MSRA: variants seen among roughly 807,000 people sequenced by gnomAD.
The protein encoded by MSRA is methionine sulfoxide reductase A.
In MSRA, 54 loss-of-function variants were observed where a neutral mutation model predicts 31.3. The observed-to-expected ratio is 1.73, with a 90% CI of 1.39 to 2.17. The LOEUF (loss-of-function observed/expected upper bound fraction) is 2.17, where lower values mean the gene tolerates loss of function less well. Ranked by LOEUF, MSRA falls within the 30% of genes most tolerant of loss-of-function variation. The pLI, the probability that MSRA is intolerant of heterozygous loss-of-function variation, is 0.00. For synonymous variants in MSRA, 169 were observed against 116.5 expected, an observed-to-expected ratio of 1.45 and a Z score of -2.90; for missense variants, 507 against 300.9, an observed-to-expected ratio of 1.69 and a Z score of -5.07.
intron 5 of MSRA, among the ~76,000 whole-genome samples, chr8:10,414,476 G>C (rs1334091906): frequency 1.3e-5 from 2 of 152,206 alleles, no homozygotes; most frequent in African/African-American, 4.8e-5. Context: ...GGCACTGAAA[G>C]TTCTGCATCC....
chr8:10,083,705 A>G (rs1798405879), intron 1 of MSRA, among the ~76,000 whole-genome samples: 1 of 152,014 alleles, frequency 6.6e-6, no homozygotes, highest in Non-Finnish European at 1.5e-5. Flanking sequence ...TTATTCTGAC[A>G]GTTTTATCTG....
chr8:10,293,810 G>A (rs968388372), intron 3 of MSRA, among the ~76,000 whole-genome samples: 1 of 152,078 alleles, frequency 6.6e-6, no homozygotes, highest in Non-Finnish European at 1.5e-5. Flanking sequence ...GATGACTGGG[G>A]CAGCAGGTGC....
chr8:10,282,977 C>T (rs1045746702), intron 3 of MSRA, among the ~76,000 whole-genome samples: 4 of 152,096 alleles, frequency 2.6e-5, no homozygotes, highest in African/African-American at 7.3e-5. Context: ...TTAGAAAATG[C>T]ATAGTGTTGC....
chr8:10,101,400 C>T (rs975589702), intron 1 of MSRA, among the ~76,000 whole-genome samples: 12 of 151,802 alleles, frequency 7.9e-5, no homozygotes, highest in African/African-American at 2.9e-4. Flanking sequence ...ACATATTTTA[C>T]CGTCTTAACC....
At chr8:10,280,136 A>G (rs912795437) in intron 3 of MSRA, among the ~76,000 whole-genome samples, 2 of 151,936 alleles carry the variant, frequency 1.3e-5, no homozygotes, top group Non-Finnish European at 2.9e-5. Context: ...TTTAGGCTTT[A>G]CTGAATCTGT....
At chr8:10,062,749 A>G (rs1434998977) in intron 1 of MSRA, among the ~76,000 whole-genome samples, 2 of 152,200 alleles carry the variant, frequency 1.3e-5, no homozygotes, top group Admixed American at 6.5e-5. Flanking sequence ...TTCCTATCGC[A>G]TCAGAAAACT....
At chr8:10,417,259 T>G (rs1433293997) in intron 5 of MSRA, among the ~76,000 whole-genome samples, 1 of 152,172 alleles carries the variant, frequency 6.6e-6, no homozygotes, top group African/African-American at 2.4e-5. Context: ...ACGCGCTCCT[T>G]GTCATTGTCA....
At chr8:10,166,016 G>C (rs1483187385) in intron 1 of MSRA, among the ~76,000 whole-genome samples, 1 of 152,168 alleles carries the variant, frequency 6.6e-6, no homozygotes, top group African/African-American at 2.4e-5. Context: ...TCTGTGTCCA[G>C]TGCACAAGGT....
At chr8:10,384,587 A>C (rs755724349) in intron 5 of MSRA, among the ~76,000 whole-genome samples, 2 of 152,248 alleles carry the variant, frequency 1.3e-5, no homozygotes, top group Non-Finnish European at 2.9e-5. Context: ...GCTGGTCTCA[A>C]CAGGGACACA....
chr8:10,086,548 C>T (rs554123298), intron 1 of MSRA, among the ~76,000 whole-genome samples: 15 of 152,276 alleles, frequency 9.9e-5, no homozygotes, highest in East Asian at 1.9e-4. Flanking sequence ...CACATAGTTT[C>T]GGATGTCAGT....
At chr8:10,380,738 G>C (rs144745789) in intron 5 of MSRA, among the ~76,000 whole-genome samples, 1 of 152,332 alleles carries the variant, frequency 6.6e-6, no homozygotes, top group African/African-American at 2.4e-5. Context: ...ATGGATGGAA[G>C]GAGGGAGATG....
chr8:10,385,634 G>A (rs187739266), intron 5 of MSRA, among the ~76,000 whole-genome samples: 2 of 152,272 alleles, frequency 1.3e-5, no homozygotes, highest in African/African-American at 4.8e-5. Context: ...TTCAGTGGGG[G>A]ACACATGGCA....
intron 3 of MSRA, among the ~76,000 whole-genome samples, chr8:10,267,304 T>C (rs945032421): frequency 6.6e-6 from 1 of 152,134 alleles, no homozygotes; most frequent in Non-Finnish European, 1.5e-5. Context: ...AGAAGTTTGT[T>C]TGGGTTCTTA....
intron 5 of MSRA, among the ~76,000 whole-genome samples, chr8:10,355,589 C>T (rs893789514): frequency 6.6e-6 from 1 of 152,146 alleles, no homozygotes; most frequent in African/African-American, 2.4e-5. Flanking sequence ...TTCTTCAGTA[C>T]ATACATGGCA....
intron 4 of MSRA, among the ~76,000 whole-genome samples, chr8:10,307,821 C>T (rs140017862): frequency 6.6e-6 from 1 of 152,144 alleles, no homozygotes; most frequent in Non-Finnish European, 1.5e-5. Context: ...TATTAGGGTT[C>T]CCCCACCTGT....
chr8:10,259,920 T>C (rs377637931), intron 3 of MSRA, among the ~76,000 whole-genome samples: 1 of 152,222 alleles, frequency 6.6e-6, no homozygotes, highest in South Asian at 2.1e-4. Context: ...CTCTCCCTGG[T>C]GGGTGTTCTG....
At position 10,359,240 on chromosome 8, in the gene MSRA, A is replaced by G. The variant is rs754083317; in HGVS notation, c.543+39251A>G. 2.0e-5 allele frequency among the ~76,000 whole-genome samples: 3 copies of G among 152,070 alleles called. No homozygotes were observed. In the East Asian group the frequency reaches 5.8e-4, roughly 29 times the overall value. On this transcript the variant is annotated intron_variant, in intron 5 of 5. Coordinates refer to ENST00000317173, the MANE Select transcript of MSRA (RefSeq NM_012331.5). ...TCCATTGATTGGATCTTCTTTGCCC[A>G]TCCTCAGTATTTGTCTCTTTCTCTG...
chr8:10,233,203 G>C (rs1811639793), intron 2 of MSRA, among the ~76,000 whole-genome samples: 1 of 152,344 alleles, frequency 6.6e-6, no homozygotes, highest in South Asian at 2.1e-4. Flanking sequence ...CACTGCTGCA[G>C]CAGGGAACCC....
intron 1 of MSRA, among the ~76,000 whole-genome samples, chr8:10,176,333 G>A (rs1305165795): frequency 6.6e-6 from 1 of 152,130 alleles, no homozygotes; most frequent in African/African-American, 2.4e-5. Flanking sequence ...AGCTCTGTCT[G>A]GGCAGTCCGT....
Sources: gnomAD v4.1 joint callset for allele counts (sites outside exome capture counted in the v4.1 genomes callset) on GRCh38, gnomAD v4.1.1 for gene constraint, MANE v1.5 for transcripts, NCBI Gene and HGNC (gene_info 2026-07-23, HGNC 2026-07-21) for gene names.